DAB2IP: variants seen among roughly 807,000 people sequenced by gnomAD.
DAB2IP encodes the protein DAB2 interacting protein.
A neutral mutation model predicts 107.2 loss-of-function variants in DAB2IP; 28 were observed. That is an observed-to-expected ratio of 0.26 (90% CI 0.19 to 0.36). The LOEUF is 0.36. Among genes scored for constraint, DAB2IP ranks in the 10% least tolerant of loss-of-function variants. The pLI is 1.00. For synonymous variants in DAB2IP, 755 were observed against 706.4 expected (o/e 1.07, Z -1.09); for missense variants, 1,400 against 1,644.7 (o/e 0.85, Z 2.57).
At chr9:121,706,844 G>A (rs1830081561) in intron 3 of DAB2IP, among the ~76,000 whole-genome samples, 1 of 152,242 alleles carries the variant, frequency 6.6e-6, no homozygotes, top group Non-Finnish European at 1.5e-5. Flanking sequence ...CCTTGTGGAA[G>A]CCACCAGCGT....
At chr9:121,740,999 A>G (rs1194151863) in intron 3 of DAB2IP, among the ~76,000 whole-genome samples, 1 of 152,104 alleles carries the variant, frequency 6.6e-6, no homozygotes, top group Non-Finnish European at 1.5e-5. Context: ...CCTGGGGGTG[A>G]GGTAGTAAGG....
Position 121,633,389 on chromosome 9 carries a change from C to G in DAB2IP, c.41-45289C>G, listed in dbSNP as rs377482135. On this transcript the variant is annotated intron_variant, in intron 1 of 16. Coordinates refer to the DAB2IP transcript ENST00000259371. The surrounding 1 kb of genome is among the most constrained non-coding windows in gnomAD (Gnocchi z 5.1). ...GTCTTTGCCCACTGACCCCACCCCCCCTACCAAACCACCTCTGCTGCAAAC... is the reference window on the plus strand; with the variant it reads ...GTCTTTGCCCACTGACCCCACCCCCGCTACCAAACCACCTCTGCTGCAAAC... Among the ~76,000 whole-genome samples the G allele has an allele frequency of 2.0e-5, 3 of 152,140 alleles. No homozygotes were observed. Among genetic ancestry groups the G allele is most frequent in the Admixed American group, 6.5e-5 (1 of 15,280 alleles).
chr9:121,573,375 CA>C (rs1829995019), intron 1 of DAB2IP, among the ~76,000 whole-genome samples: 1 of 151,836 alleles, frequency 6.6e-6, no homozygotes, highest in Non-Finnish European at 1.5e-5. Flanking sequence ...CCGTGCCCAG[CA>C]TTTTTTTGTT....
chr9:121,620,980 C>T (rs192553173), intron 1 of DAB2IP, among the ~76,000 whole-genome samples: 22 of 152,352 alleles, frequency 1.4e-4, no homozygotes, highest in African/African-American at 5.1e-4. Context: ...ACCACTTCCT[C>T]TCTCGCATTC....
chr9:121,602,810 C>T (rs909272998), intron 1 of DAB2IP, among the ~76,000 whole-genome samples: 2 of 152,124 alleles, frequency 1.3e-5, no homozygotes, highest in African/African-American at 2.4e-5. Context: ...CTCCTGACCT[C>T]GTGATCCGCC....
chr9:121,767,675 T>C (rs1375608015), intron 9 of DAB2IP, among the ~76,000 whole-genome samples: 1 of 152,148 alleles, frequency 6.6e-6, no homozygotes, highest in Non-Finnish European at 1.5e-5. Flanking sequence ...CTTCCTCTGT[T>C]CTGGATCCTG....
At chr9:121,646,239 T>G (rs1373685898) in intron 1 of DAB2IP, among the ~76,000 whole-genome samples, 1 of 152,048 alleles carries the variant, frequency 6.6e-6, no homozygotes, top group Non-Finnish European at 1.5e-5. Flanking sequence ...TGGGAGGAAG[T>G]CTGGGGGGCG....
chr9:121,674,885 G>T (rs1021872082), intron 1 of DAB2IP, among the ~76,000 whole-genome samples: 1 of 151,980 alleles, frequency 6.6e-6, no homozygotes, highest in Admixed American at 6.6e-5. Context: ...TGGTGTGTGT[G>T]TGTGTGTGTG....
At chr9:121,740,501 AG>A (rs753750117) in intron 3 of DAB2IP, among the ~76,000 whole-genome samples, 2 of 152,132 alleles carry the variant, frequency 1.3e-5, no homozygotes, top group Admixed American at 1.3e-4. Flanking sequence ...CTTTACACCA[AG>A]GGTATTTCTC....
intron 1 of DAB2IP, among the ~76,000 whole-genome samples, chr9:121,663,144 A>G (rs1234882712): frequency 1.3e-5 from 2 of 152,200 alleles, no homozygotes; most frequent in Non-Finnish European, 2.9e-5. Context: ...AATAGGAAGC[A>G]TGGGCTGTCA....
chr9:121,646,489 A>T (rs966423378), intron 1 of DAB2IP, among the ~76,000 whole-genome samples: 1 of 37,496 alleles, frequency 2.7e-5, no homozygotes, highest in African/African-American at 1.0e-4. Context: ...GTGTCCCGCC[A>T]CCCCCCCCAC....
intron 3 of DAB2IP, among the ~76,000 whole-genome samples, chr9:121,733,829 G>C (rs550905949): frequency 4.0e-4 from 61 of 152,354 alleles, no homozygotes; most frequent in African/African-American, 1.4e-3. Flanking sequence ...GAAAGGCGGG[G>C]CATGCACTGG....
chr9:121,717,907 C>T (rs1051787805), intron 3 of DAB2IP, among the ~76,000 whole-genome samples: 2 of 152,202 alleles, frequency 1.3e-5, no homozygotes, highest in Non-Finnish European at 2.9e-5. Flanking sequence ...CTCTAGCCCC[C>T]AGCCAAGGTC....
At chr9:121,742,146 G>A (rs944000307) in intron 3 of DAB2IP, among the ~76,000 whole-genome samples, 37 of 152,254 alleles carry the variant, frequency 2.4e-4, no homozygotes, top group African/African-American at 8.4e-4. Flanking sequence ...AGCCACACTG[G>A]GCAGGGCACG....
intron 1 of DAB2IP, among the ~76,000 whole-genome samples, chr9:121,676,973 G>T (rs1303680494): frequency 2.6e-5 from 4 of 152,202 alleles, no homozygotes; most frequent in Non-Finnish European, 5.9e-5. Flanking sequence ...ATGACTAAAA[G>T]TTTTCAATGA....
At chr9:121,610,308 G>A (rs1589404276) in intron 1 of DAB2IP, among the ~76,000 whole-genome samples, 1 of 152,124 alleles carries the variant, frequency 6.6e-6, no homozygotes, top group South Asian at 2.1e-4. Flanking sequence ...GCCTCTCTGG[G>A]CTGTAATGAT....
Position 121,735,121 on chromosome 9 carries a change from T to G in DAB2IP, c.363-21892T>G, listed in dbSNP as rs184420151. Among the ~76,000 whole-genome samples, 344 of 152,320 alleles carry G rather than the reference T, an allele frequency of 2.3e-3. 2 individuals are homozygous for G. Among genetic ancestry groups the G allele is most frequent in the Non-Finnish European group, 1.2e-3 (84 of 68,028 alleles). ...CAGATGACAGCTCTGAGGGAAAACT[T>G]CTCAGAAGGAAGGGGACAGGACACT... On this transcript the variant is annotated intron_variant, in intron 3 of 15. Transcript: ENST00000408936.
chr9:121,646,189 G>A (rs1022381585), intron 1 of DAB2IP, among the ~76,000 whole-genome samples: 5 of 152,182 alleles, frequency 3.3e-5, no homozygotes, highest in Middle Eastern at 6.3e-3. Context: ...TGACTGCACC[G>A]TTTTCTGCAA....
chr9:121,752,099 T>A (rs1490506156), intron 3 of DAB2IP: 1 of 910,062 alleles, frequency 1.1e-6, no homozygotes, highest in Admixed American at 6.2e-5. Flanking sequence ...AGGATGAGCC[T>A]CCTAACCTTG....
Sources: allele counts gnomAD v4.1 joint callset (sites outside exome capture counted in the v4.1 genomes callset), GRCh38; gene constraint gnomAD v4.1.1; non-coding constraint Gnocchi (gnomAD v3.1); transcripts MANE v1.5; gene names NCBI Gene and HGNC (gene_info 2026-07-23, HGNC 2026-07-21).